Variants in KIAA0825 observed in about 807,000 individuals in gnomAD.
The protein encoded by KIAA0825 is KIAA0825.
Under a neutral mutation model 147.6 loss-of-function variants are expected in KIAA0825, and 119 were observed. That is an observed-to-expected ratio of 0.81 (90% CI 0.69 to 0.94). The LOEUF is 0.94. Ranked by LOEUF, KIAA0825 falls within the 40% of genes least tolerant of loss-of-function variation. The pLI is 0.00. For missense variants in KIAA0825, 1,381 were observed against 1,472.7 expected, an observed-to-expected ratio of 0.94 and a Z score of 1.02; for synonymous variants, 470 against 518.1, an observed-to-expected ratio of 0.91 and a Z score of 1.26.
intron 20 of KIAA0825, among the ~76,000 whole-genome samples, chr5:94,179,544 G>A (rs558536685): frequency 3.3e-5 from 5 of 152,194 alleles, no homozygotes; most frequent in African/African-American, 7.2e-5. Flanking sequence ...TCTAGTCACT[G>A]AAAGAGGCTA....
chr5:94,491,362 T>C lies in KIAA0825; in HGVS notation c.971-6432A>G, dbSNP rs191054182. On this transcript the variant is annotated intron_variant, in intron 5 of 20. Coordinates refer to ENST00000682413, the MANE Select transcript of KIAA0825 (RefSeq NM_001145678.3). ...TATAATATGAAGTCAGCAGGGACCA[T>C]GTAGGAACAAACAATAAGCAGTACT... Among the ~76,000 whole-genome samples the C allele has an allele frequency of 5.6e-3, 856 of 152,228 alleles. 9 individuals carry two copies. The highest frequency in any genetic ancestry group is 0.027 in the Middle Eastern group (8 of 294).
At chr5:94,158,093 T>G (rs1256090140) in intron 20 of KIAA0825, among the ~76,000 whole-genome samples, 1 of 152,172 alleles carries the variant, frequency 6.6e-6, no homozygotes, top group African/African-American at 2.4e-5. Context: ...TGCCTTTGTG[T>G]TGAATATGAA....
chr5:94,402,991 T>G (rs1329654214), intron 16 of KIAA0825, among the ~76,000 whole-genome samples: 1 of 152,062 alleles, frequency 6.6e-6, no homozygotes, highest in East Asian at 1.9e-4. Flanking sequence ...TGATAGTTCT[T>G]AAGTACACTT....
At chr5:94,356,725 C>CTTTT (rs1172838355) in intron 20 of KIAA0825, among the ~76,000 whole-genome samples, 2 of 116,734 alleles carry the variant, frequency 1.7e-5, no homozygotes, top group East Asian at 2.4e-4. Context: ...AACTTGATTT[C>CTTTT]TTTTTTTTTT....
intron 3 of KIAA0825, among the ~76,000 whole-genome samples, chr5:94,530,720 C>T (rs1359403696): frequency 1.3e-5 from 2 of 152,170 alleles, no homozygotes; most frequent in Non-Finnish European, 2.9e-5. Flanking sequence ...CCGGCCACAG[C>T]AGTCATATCT....
intron 13 of KIAA0825, among the ~76,000 whole-genome samples, chr5:94,448,986 T>C (rs920793958): frequency 2.6e-5 from 4 of 152,160 alleles, no homozygotes; most frequent in Admixed American, 6.5e-5. Context: ...AAGCAGATTA[T>C]ATGGACTTAG....
At chr5:94,328,467 T>C (rs563049287) in intron 20 of KIAA0825, among the ~76,000 whole-genome samples, 2 of 152,150 alleles carry the variant, frequency 1.3e-5, no homozygotes, top group Non-Finnish European at 2.9e-5. Context: ...ATAAAGTGAA[T>C]AGAGATTGAT....
intron 20 of KIAA0825, among the ~76,000 whole-genome samples, chr5:94,244,035 C>A (rs999476495): frequency 6.6e-6 from 1 of 152,122 alleles, no homozygotes; most frequent in African/African-American, 2.4e-5. Context: ...TCATGGTGAC[C>A]ATGCCACTTG....
At chr5:94,281,949 T>C (rs892559276) in intron 20 of KIAA0825, among the ~76,000 whole-genome samples, 1 of 152,092 alleles carries the variant, frequency 6.6e-6, no homozygotes, top group Non-Finnish European at 1.5e-5. Context: ...AATCAAGTAT[T>C]CCGCCAAGAA....
At chr5:94,269,917 A>G (rs1327723617) in intron 20 of KIAA0825, among the ~76,000 whole-genome samples, 1 of 152,086 alleles carries the variant, frequency 6.6e-6, no homozygotes, top group Non-Finnish European at 1.5e-5. Flanking sequence ...GCTAAATAAG[A>G]AAAAAAGAAG....
At chr5:94,298,172 C>T (rs951932011) in intron 20 of KIAA0825, among the ~76,000 whole-genome samples, 16 of 151,736 alleles carry the variant, frequency 1.1e-4, no homozygotes, top group Admixed American at 5.3e-4. Flanking sequence ...CACTTGAACC[C>T]GGGAGATGGA....
intron 2 of KIAA0825, among the ~76,000 whole-genome samples, chr5:94,557,127 ATT>A (rs1776679778): frequency 6.6e-6 from 1 of 152,064 alleles, no homozygotes; most frequent in African/African-American, 2.4e-5. Context: ...TTATTTATTT[ATT>A]TTGAGATAGG....
chr5:94,532,781 T>A (rs1453056610), intron 3 of KIAA0825, among the ~76,000 whole-genome samples: 1 of 149,346 alleles, frequency 6.7e-6, no homozygotes, highest in Admixed American at 6.7e-5. Flanking sequence ...GTGATCTTCC[T>A]GCCTTGGCCT....
chr5:94,603,762 C>A (rs947190326), intron 1 of KIAA0825, among the ~76,000 whole-genome samples: 2 of 152,136 alleles, frequency 1.3e-5, no homozygotes, highest in Admixed American at 1.3e-4. Context: ...CAGAAAAAAG[C>A]AGGTGTTGCA....
intron 20 of KIAA0825, among the ~76,000 whole-genome samples, chr5:94,250,137 A>G (rs1232710259): frequency 6.6e-6 from 1 of 152,120 alleles, no homozygotes; most frequent in Non-Finnish European, 1.5e-5. Context: ...AGCCAATCCA[A>G]TACATCAGAA....
At chr5:94,559,208 T>C (rs1425831770) in intron 2 of KIAA0825, among the ~76,000 whole-genome samples, 2 of 152,184 alleles carry the variant, frequency 1.3e-5, no homozygotes, top group African/African-American at 4.8e-5. Context: ...GCAAATCAAC[T>C]GCATTTTATA....
In KIAA0825 at chr5:94,151,143, C is replaced by T. The variant is rs1436242495; in HGVS notation, c.*2864G>A. Among the ~76,000 whole-genome samples the T allele has an allele frequency of 2.6e-5, 4 of 151,978 alleles. No homozygotes were observed. The highest frequency in any genetic ancestry group is 2.1e-4 in the South Asian group (1 of 4,824). On this transcript the variant is annotated 3_prime_UTR_variant, in exon 21 of 21. Transcript: ENST00000682413. ...TTATACTTAAAAAAACATGGCCGGG[C>T]GCGGTGGCTCACGCCTGTAATCCCA...
intron 20 of KIAA0825, among the ~76,000 whole-genome samples, chr5:94,289,258 G>A (rs116589431): frequency 0.015 from 2,305 of 152,212 alleles, 21 homozygotes; most frequent in Non-Finnish European, 0.023. Context: ...TAAACTGGCC[G>A]GGAGTGGTGG....
At chr5:94,344,724 T>C (rs1782800363) in intron 20 of KIAA0825, among the ~76,000 whole-genome samples, 1 of 152,154 alleles carries the variant, frequency 6.6e-6, no homozygotes, top group Non-Finnish European at 1.5e-5. Flanking sequence ...TGCAATATTG[T>C]TTGGCCTTTA....
Sources: allele counts gnomAD v4.1 joint callset (sites outside exome capture counted in the v4.1 genomes callset), GRCh38; gene constraint gnomAD v4.1.1; transcripts MANE v1.5; gene names NCBI Gene and HGNC (gene_info 2026-07-23, HGNC 2026-07-21).